The following ABHD18 variants were observed in gnomAD, a reference collection of about 807,000 sequenced individuals.
ABHD18 encodes the protein cardiolipin-specific deacylase, mitochondrial.
In ABHD18, 55 loss-of-function variants were observed where a neutral mutation model predicts 65.9. That is an observed-to-expected ratio of 0.84 (90% CI 0.67 to 1.05). ABHD18 has a LOEUF of 1.05. Ranked by LOEUF, ABHD18 falls within the 50% of genes least tolerant of loss-of-function variation. The pLI is 0.00. For synonymous variants in ABHD18, 181 were observed against 180.2 expected (o/e 1.00, Z -0.04); for missense variants, 533 against 558.5 (o/e 0.95, Z 0.46).
chr4:127,990,869 G>GTTTT (rs1036625152), intron 4 of ABHD18, among the ~76,000 whole-genome samples: 1 of 151,958 alleles, frequency 6.6e-6, no homozygotes, highest in African/African-American at 2.4e-5. Context: ...CTTGTTAATG[G>GTTTT]TTTTTTGTTT....
chr4:128,033,524 C>CTTTTTTTTTTTTTTTTTTTTTTTTT (rs869099600), intron 12 of ABHD18, among the ~76,000 whole-genome samples: 13 of 108,630 alleles, frequency 1.2e-4, no homozygotes, highest in East Asian at 1.0e-3. Flanking sequence ...CAAAGATAGT[C>CTTTTTTTTTTTTTTTTTTTTTTTTT]TTTTTTTTTT....
intron 11 of ABHD18, among the ~76,000 whole-genome samples, chr4:128,029,076 G>C (rs1282080320): frequency 6.6e-6 from 1 of 152,080 alleles, no homozygotes; most frequent in African/African-American, 2.4e-5. Context: ...GGACAGCCGG[G>C]TGTGGTTGCT....
chr4:127,986,373 G>A (rs774263637), intron 3 of ABHD18, among the ~76,000 whole-genome samples: 1 of 152,096 alleles, frequency 6.6e-6, no homozygotes, highest in African/African-American at 2.4e-5. Context: ...TGTTTTTATA[G>A]CATCAGAACA....
At chr4:128,023,878 C>T (rs556858293) in intron 10 of ABHD18, among the ~76,000 whole-genome samples, 3 of 152,086 alleles carry the variant, frequency 2.0e-5, no homozygotes, top group South Asian at 2.1e-4. Context: ...AGCGAGACTC[C>T]GTCTCAAAAA....
chr4:127,984,909 T>A (rs1749704192), intron 3 of ABHD18, among the ~76,000 whole-genome samples: 1 of 152,218 alleles, frequency 6.6e-6, no homozygotes, highest in Non-Finnish European at 1.5e-5. Context: ...TAACTGGATG[T>A]TTTTAATAAC....
intron 1 of ABHD18, among the ~76,000 whole-genome samples, chr4:127,968,498 A>T (rs533253593): frequency 6.6e-6 from 1 of 152,370 alleles, no homozygotes; most frequent in Non-Finnish European, 1.5e-5. Flanking sequence ...TCACCAATGT[A>T]AGGATAAAAG....
At chr4:128,001,831 G>T in intron 4 of ABHD18, 16 of 1,334,906 alleles carry the variant, frequency 1.2e-5, no homozygotes, top group African/African-American at 6.0e-5. Context: ...TAGATGTTGA[G>T]TTTTGTTTTG....
At chr4:128,031,485 T>A (rs1022403627) in intron 12 of ABHD18, among the ~76,000 whole-genome samples, 3 of 152,154 alleles carry the variant, frequency 2.0e-5, no homozygotes, top group African/African-American at 7.2e-5. Flanking sequence ...AAAATTTTTT[T>A]ATGCTAAAAC....
At chr4:127,987,497 G>T (rs1750173028) in intron 3 of ABHD18, among the ~76,000 whole-genome samples, 1 of 151,958 alleles carries the variant, frequency 6.6e-6, no homozygotes, top group South Asian at 2.1e-4. Context: ...ATCACTTGAG[G>T]TCAGAAGTTC....
At chr4:128,022,336 T>C (rs1195612396) in intron 10 of ABHD18, among the ~76,000 whole-genome samples, 2 of 152,240 alleles carry the variant, frequency 1.3e-5, no homozygotes, top group Non-Finnish European at 1.5e-5. Context: ...TTATTTGACC[T>C]GTAGGGTTTC....
At chr4:127,998,222 C>T (rs1375624220) in intron 4 of ABHD18, among the ~76,000 whole-genome samples, 10 of 151,314 alleles carry the variant, frequency 6.6e-5, no homozygotes, top group African/African-American at 2.4e-4. Context: ...TTTTCTCTCT[C>T]TCTCTTTCTT....
chr4:127,977,642 TAGA>T (rs1748204077), intron 1 of ABHD18, among the ~76,000 whole-genome samples: 1 of 152,214 alleles, frequency 6.6e-6, no homozygotes, highest in South Asian at 2.1e-4. Flanking sequence ...TTGAAGAAAT[TAGA>T]GGAGTGGCAT....
intron 1 of ABHD18, among the ~76,000 whole-genome samples, chr4:127,974,977 C>T (rs1014062519): frequency 1.3e-4 from 9 of 69,336 alleles, no homozygotes; most frequent in Admixed American, 4.6e-4. Context: ...GCCTAGGCAA[C>T]AAGAGCAAAA....
intron 7 of ABHD18, 88 bp from the exon 8 acceptor site, chr4:128,017,275 A>G (rs1755673585): frequency 2.4e-6 from 3 of 1,275,690 alleles, no homozygotes; most frequent in Middle Eastern, 2.0e-4. Flanking sequence ...GAAGAGATGC[A>G]TGAAGTCTGG....
chr4:128,000,388 T>G (rs1752465016), intron 4 of ABHD18, among the ~76,000 whole-genome samples: 1 of 152,198 alleles, frequency 6.6e-6, no homozygotes, highest in Non-Finnish European at 1.5e-5. Context: ...GGAGTCCTTT[T>G]TCTTTTGTCT....
chr4:127,988,503 A>G (rs1750373151), intron 3 of ABHD18, among the ~76,000 whole-genome samples: 3 of 152,166 alleles, frequency 2.0e-5, no homozygotes, highest in Admixed American at 2.0e-4. Context: ...GAGTGCTGAG[A>G]TTACAGGTGT....
chr4:128,010,483 C>T (rs987696990), intron 6 of ABHD18, among the ~76,000 whole-genome samples: 4 of 150,458 alleles, frequency 2.7e-5, no homozygotes, highest in African/African-American at 4.9e-5. Flanking sequence ...GCCAAGATCA[C>T]ACCATGGCAT....
rs1745317306 is a variant in ABHD18, at chr4:127,966,215, G to A, written c.-18+609G>A. On this transcript the variant is annotated intron_variant, in intron 1 of 12. Coordinates refer to ENST00000645843, the MANE Select transcript of ABHD18 (RefSeq NM_001358451.3). ...CTATTAGGCTTGTAGGCTAGCTGGC[G>A]TCAGTAGTCATTCTGTGTCTCATAA... is the stretch of plus-strand genomic sequence containing the variant. Among the ~76,000 whole-genome samples, 6 of 152,246 alleles carry A rather than the reference G, an allele frequency of 3.9e-5. 1 individual carries two copies. Among genetic ancestry groups the A allele is most frequent in the Middle Eastern group, 3.4e-3 (1 of 294 alleles).
Position 128,024,850 on chromosome 4 carries a change from G to A in ABHD18, c.801+3612G>A, listed in dbSNP as rs980694058. ...TGGGATTACAGGCATGTGCCACCAC[G>A]CCCGGCTAATTTCGTATTTTTAGTA... On this transcript the variant is annotated intron_variant, in intron 10 of 12. Transcript: ENST00000645843. Among the ~76,000 whole-genome samples the A allele has an allele frequency of 4.6e-5, 7 of 151,902 alleles. No individual in the cohort carries two copies. In the South Asian group the frequency reaches 8.3e-4, roughly 18 times the overall value.
Sources: allele counts gnomAD v4.1 joint callset (sites outside exome capture counted in the v4.1 genomes callset), GRCh38; gene constraint gnomAD v4.1.1; transcripts MANE v1.5; gene names NCBI Gene and HGNC (gene_info 2026-07-23, HGNC 2026-07-21).